The following SLC37A3 variants were observed in gnomAD, a reference collection of about 807,000 sequenced individuals.
SLC37A3 encodes sugar phosphate exchanger 3.
Under a neutral mutation model 67.1 loss-of-function variants are expected in SLC37A3, and 51 were observed. The observed-to-expected ratio is 0.76, with a 90% CI of 0.61 to 0.96. The LOEUF is 0.96. Among genes scored for constraint, SLC37A3 ranks in the 40% least tolerant of loss-of-function variants. SLC37A3 has a pLI of 0.00. For synonymous variants in SLC37A3, 214 were observed against 231.4 expected, an observed-to-expected ratio of 0.92 and a Z score of 0.68; for missense variants, 508 against 603.0, an observed-to-expected ratio of 0.84 and a Z score of 1.65.
chr7:140,351,722 G>T (rs1315288567), intron 8 of SLC37A3: 3 of 560,606 alleles, frequency 5.4e-6, no homozygotes, highest in African/African-American at 1.9e-5. Flanking sequence ...TCTTTTTTGT[G>T]CATCATTTTT....
intron 12 of SLC37A3, among the ~76,000 whole-genome samples, chr7:140,344,968 G>A (rs1464082670): frequency 6.6e-6 from 1 of 152,034 alleles, no homozygotes; most frequent in Non-Finnish European, 1.5e-5. Flanking sequence ...CAGAAGCTGG[G>A]GCAGCAATCA....
chr7:140,337,056 G>A (rs985048155), intron 14 of SLC37A3, among the ~76,000 whole-genome samples: 18 of 133,920 alleles, frequency 1.3e-4, no homozygotes, highest in East Asian at 4.3e-4. Context: ...CCAAGATCAC[G>A]CCACCACACT....
chr7:140,379,484 A>G (rs1798163797), intron 3 of SLC37A3: 1 of 152,050 alleles, frequency 6.6e-6, no homozygotes. Context: ...CAAGAAAAAA[A>G]AAAAAAAAGA....
intron 13 of SLC37A3, among the ~76,000 whole-genome samples, chr7:140,341,714 T>G (rs11771483): frequency 0.11 from 16,231 of 152,214 alleles, 992 homozygotes; most frequent in Middle Eastern, 0.14. Flanking sequence ...GGGATCTGGA[T>G]ACTGGCAGGT....
chr7:140,347,901 C>T (rs1210215852), intron 10 of SLC37A3, among the ~76,000 whole-genome samples: 2 of 152,188 alleles, frequency 1.3e-5, no homozygotes, highest in Non-Finnish European at 2.9e-5. Flanking sequence ...TTATCCTCAG[C>T]AGATATGTTC....
At chr7:140,343,894 G>A (rs1796454478) in intron 12 of SLC37A3, 59 of 271,806 alleles carry the variant, frequency 2.2e-4, no homozygotes, top group South Asian at 2.0e-3. Flanking sequence ...TACGGTAGTT[G>A]CATCATATGA....
intron 3 of SLC37A3, among the ~76,000 whole-genome samples, chr7:140,371,073 T>C (rs556347414): frequency 6.6e-6 from 1 of 152,174 alleles, no homozygotes; most frequent in Non-Finnish European, 1.5e-5. Context: ...GGAAGGGAGA[T>C]TGCAGCCCAA....
intron 8 of SLC37A3, 76 bp from the exon 9 acceptor site, chr7:140,351,527 G>A (rs1796801074): frequency 1.4e-6 from 2 of 1,406,940 alleles, no homozygotes; most frequent in African/African-American, 1.4e-5. Context: ...CCCTACTTAT[G>A]AGGTGATGTT....
intron 1 of SLC37A3, among the ~76,000 whole-genome samples, chr7:140,392,900 G>A (rs372467552): frequency 6.4e-4 from 97 of 152,124 alleles, no homozygotes; most frequent in African/African-American, 2.2e-3. Context: ...GAGACCAGCC[G>A]GGCCAACATG....
intron 4 of SLC37A3, among the ~76,000 whole-genome samples, chr7:140,366,095 G>GT (rs1383158157): frequency 2.6e-5 from 4 of 151,496 alleles, no homozygotes; most frequent in Admixed American, 1.3e-4. Context: ...GCCAATTTTT[G>GT]TTTTTTTAGA....
At chr7:140,395,226 AT>A (rs1372623473) in intron 1 of SLC37A3, among the ~76,000 whole-genome samples, 1 of 151,338 alleles carries the variant, frequency 6.6e-6, no homozygotes, top group Non-Finnish European at 1.5e-5. Flanking sequence ...AAATATAAAA[AT>A]TAGCCAGGTG....
At chr7:140,355,330 GC>G (rs2117100593) in intron 7 of SLC37A3, among the ~76,000 whole-genome samples, 1 of 152,186 alleles carries the variant, frequency 6.6e-6, no homozygotes, top group East Asian at 1.9e-4. Flanking sequence ...TCCTGCCTCA[GC>G]CTCCAGAGTA....
chr7:140,343,362 C>T lies in SLC37A3; in HGVS notation c.1326+50G>A, dbSNP rs745551756. 19 of 1,610,258 alleles carry T rather than the reference C, an allele frequency of 1.2e-5. 1 individual carries two copies. The highest frequency in any genetic ancestry group is 6.7e-5 in the East Asian group (3 of 44,876). ...CCCAGAGGGCAGGTTCACATTCAGCCGCCTTTGAGGGAAGACACTAGAATC... is the reference window on the plus strand; with the variant it reads ...CCCAGAGGGCAGGTTCACATTCAGCTGCCTTTGAGGGAAGACACTAGAATC... On this transcript the variant is annotated intron_variant, in intron 13 of 14. Transcript: ENST00000326232.
chr7:140,339,164 T>G (rs1239763960), intron 13 of SLC37A3, among the ~76,000 whole-genome samples: 2 of 152,134 alleles, frequency 1.3e-5, no homozygotes, highest in South Asian at 2.1e-4. Context: ...ATTTAGTTTC[T>G]CCATTCATTT....
At chr7:140,382,293 A>C (rs901568882) in intron 2 of SLC37A3, 145 bp downstream of exon 2, 50 of 692,626 alleles carry the variant, frequency 7.2e-5, no homozygotes, top group Admixed American at 5.6e-4. Flanking sequence ...CAGAACTACG[A>C]TATTACAGCT....
chr7:140,383,110 T>C (rs1454130163), intron 1 of SLC37A3, among the ~76,000 whole-genome samples: 1 of 152,088 alleles, frequency 6.6e-6, no homozygotes, highest in African/African-American at 2.4e-5. Flanking sequence ...TCAAGAGTGT[T>C]TGACACAAAA....
intron 3 of SLC37A3, chr7:140,370,445 G>A (rs570027300): frequency 1.2e-4 from 18 of 152,244 alleles, no homozygotes; most frequent in African/African-American, 4.3e-4. Context: ...ACCATCTAGG[G>A]CCATACCACC....
intron 1 of SLC37A3, among the ~76,000 whole-genome samples, chr7:140,387,831 T>A (rs1316007188): frequency 6.2e-5 from 6 of 97,316 alleles, no homozygotes; most frequent in Admixed American, 3.6e-4. Flanking sequence ...ATTATATATA[T>A]TATATATAAA....
At chr7:140,375,583 C>T (rs959924617) in intron 3 of SLC37A3, among the ~76,000 whole-genome samples, 2 of 152,018 alleles carry the variant, frequency 1.3e-5, no homozygotes, top group Admixed American at 6.5e-5. Flanking sequence ...ATAATGTGCC[C>T]ACGTTGTAAC....
Sources: gnomAD v4.1 joint callset for allele counts (sites outside exome capture counted in the v4.1 genomes callset) on GRCh38, gnomAD v4.1.1 for gene constraint, MANE v1.5 for transcripts, NCBI Gene and HGNC (gene_info 2026-07-23, HGNC 2026-07-21) for gene names.